Variants in ZBTB20 observed in about 807,000 individuals in gnomAD.
The protein encoded by ZBTB20 is zinc finger and BTB domain-containing protein 20.
Under a neutral mutation model 56.9 loss-of-function variants are expected in ZBTB20, and 9 were observed. That is an observed-to-expected ratio of 0.16 (90% confidence interval 0.10 to 0.28). The LOEUF (loss-of-function observed/expected upper bound fraction) is 0.28. ZBTB20 is among the 10% of genes least tolerant of loss of function. The pLI is 1.00. For synonymous variants in ZBTB20, 417 were observed against 420.7 expected, an observed-to-expected ratio of 0.99 and a Z score of 0.11; for missense variants, 655 against 1,003.0, an observed-to-expected ratio of 0.65 and a Z score of 4.69.
At chr3:115,066,687 T>C (rs1318780479) in intron 2 of ZBTB20, among the ~76,000 whole-genome samples, 4 of 152,146 alleles carry the variant, frequency 2.6e-5, no homozygotes, top group Non-Finnish European at 5.9e-5. Flanking sequence ...CACTTCATGA[T>C]AGGCACCTAC....
intron 5 of ZBTB20, among the ~76,000 whole-genome samples, chr3:114,720,048 T>G (rs2064803085): frequency 6.6e-6 from 1 of 150,712 alleles, no homozygotes; most frequent in Non-Finnish European, 1.5e-5. Context: ...GATATAGAAA[T>G]GTAGGAGAAA....
In ZBTB20 at chr3:114,516,320, A is replaced by G. The variant is rs575072171; in HGVS notation, c.-294-15929T>C. 1.4e-4 allele frequency among the ~76,000 whole-genome samples: 22 copies of G among 152,322 alleles called. No homozygotes were observed. In the East Asian group the frequency reaches 3.3e-3, roughly 23 times the overall value. The stretch of plus-strand genomic sequence containing the variant: ...CACACTACTCAGCATTCAAGGATAT[A>G]TGCCATGTACATTCATGCCCCTTGT... On this transcript the variant is annotated intron_variant, in intron 6 of 11. Coordinates refer to ENST00000675478, the MANE Select transcript of ZBTB20 (RefSeq NM_001348800.3).
At chr3:114,506,947 A>T (rs558588114) in intron 6 of ZBTB20, among the ~76,000 whole-genome samples, 1 of 152,212 alleles carries the variant, frequency 6.6e-6, no homozygotes, top group East Asian at 1.9e-4. Context: ...CAAGCCTAGC[A>T]TAGTGTGTGA....
chr3:115,110,833 A>G (rs2083858007), intron 1 of ZBTB20, among the ~76,000 whole-genome samples: 1 of 152,046 alleles, frequency 6.6e-6, no homozygotes, highest in Non-Finnish European at 1.5e-5. Context: ...TACTAAAAAT[A>G]CAAAAATTAT....
intron 1 of ZBTB20, among the ~76,000 whole-genome samples, chr3:115,084,884 C>CAACATCAAAG (rs2082929154): frequency 6.6e-6 from 1 of 151,940 alleles, no homozygotes; most frequent in Non-Finnish European, 1.5e-5. Context: ...ATTCACTTGG[C>CAACATCAAAG]ATTCTGAACC....
chr3:114,857,024 A>G (rs1401324015), intron 4 of ZBTB20, among the ~76,000 whole-genome samples: 1 of 152,140 alleles, frequency 6.6e-6, no homozygotes, highest in Non-Finnish European at 1.5e-5. Context: ...ACCAAGCTAG[A>G]TTGATTGCAG....
At chr3:114,568,881 T>G (rs1361395784) in intron 6 of ZBTB20, among the ~76,000 whole-genome samples, 2 of 152,158 alleles carry the variant, frequency 1.3e-5, no homozygotes, top group Non-Finnish European at 2.9e-5. Context: ...TCTTCACATA[T>G]TCTTATCTCT....
At chr3:114,986,463 A>G (rs961534478) in intron 2 of ZBTB20, among the ~76,000 whole-genome samples, 3 of 152,146 alleles carry the variant, frequency 2.0e-5, no homozygotes, top group Non-Finnish European at 2.9e-5. Flanking sequence ...ATTTGTTTAT[A>G]ATAAACTCAT....
chr3:115,142,222 T>C (rs1195419751), intron 1 of ZBTB20, among the ~76,000 whole-genome samples: 2 of 152,230 alleles, frequency 1.3e-5, no homozygotes, highest in Admixed American at 6.5e-5. Context: ...AGTATTGATA[T>C]GTCTTTATTC....
At chr3:114,813,191 G>C (rs2108886904) in intron 4 of ZBTB20, among the ~76,000 whole-genome samples, 1 of 152,394 alleles carries the variant, frequency 6.6e-6, no homozygotes, top group East Asian at 1.9e-4. Context: ...AGGACTGTGA[G>C]GACTGCCAGC....
chr3:114,427,645 T>A (rs552279763), intron 7 of ZBTB20, among the ~76,000 whole-genome samples: 1 of 152,354 alleles, frequency 6.6e-6, no homozygotes, highest in Admixed American at 6.5e-5. Context: ...CCCCAAGTAC[T>A]ACACATTTAT....
chr3:114,394,639 C>T (rs1251497811), intron 7 of ZBTB20, among the ~76,000 whole-genome samples: 8 of 152,164 alleles, frequency 5.3e-5, no homozygotes, highest in Admixed American at 5.2e-4. Flanking sequence ...AGCTTGTGAT[C>T]CTGCATTTCT....
At chr3:114,498,235 A>C (rs2109616862) in intron 7 of ZBTB20, among the ~76,000 whole-genome samples, 1 of 152,300 alleles carries the variant, frequency 6.6e-6, no homozygotes, top group East Asian at 1.9e-4. Flanking sequence ...TTTCTGCTAA[A>C]CAGTAATGGA....
intron 10 of ZBTB20, among the ~76,000 whole-genome samples, chr3:114,356,860 A>G (rs2081307225): frequency 6.6e-6 from 1 of 152,222 alleles, no homozygotes; most frequent in Non-Finnish European, 1.5e-5. Flanking sequence ...TTCCATCCAC[A>G]GCAAATGACT....
At chr3:114,405,122 A>G (rs1156930972) in intron 7 of ZBTB20, among the ~76,000 whole-genome samples, 1 of 152,136 alleles carries the variant, frequency 6.6e-6, no homozygotes, top group African/African-American at 2.4e-5. Context: ...AACAAGCCCA[A>G]TATAGAAGCT....
intron 6 of ZBTB20, among the ~76,000 whole-genome samples, chr3:114,559,010 C>T (rs1411325604): frequency 1.3e-5 from 2 of 152,122 alleles, no homozygotes; most frequent in Admixed American, 1.3e-4. Flanking sequence ...TGAGATTTTA[C>T]TCTTACTTTC....
intron 1 of ZBTB20, among the ~76,000 whole-genome samples, chr3:115,079,152 AGTT>A (rs1403014880): frequency 6.6e-6 from 1 of 152,186 alleles, no homozygotes; most frequent in African/African-American, 2.4e-5. Flanking sequence ...AATATGGTAA[AGTT>A]GTCAGATTCT....
intron 7 of ZBTB20, among the ~76,000 whole-genome samples, chr3:114,448,280 G>GA (rs111894767): frequency 1.1e-3 from 152 of 144,554 alleles, no homozygotes; most frequent in African/African-American, 3.0e-3. Context: ...AATTCAAGAG[G>GA]AAAAAAAAAA....
intron 3 of ZBTB20, among the ~76,000 whole-genome samples, chr3:114,932,340 A>C (rs1257148166): frequency 6.6e-6 from 1 of 152,222 alleles, no homozygotes; most frequent in African/African-American, 2.4e-5. Flanking sequence ...GATCAACAAA[A>C]TCTTGTCTTT....
Sources: allele counts gnomAD v4.1 joint callset (sites outside exome capture counted in the v4.1 genomes callset), GRCh38; gene constraint gnomAD v4.1.1; transcripts MANE v1.5; gene names NCBI Gene and HGNC (gene_info 2026-07-23, HGNC 2026-07-21).